Variants in SDK1 observed in about 807,000 individuals in gnomAD.
SDK1 encodes sidekick cell adhesion molecule 1.
In SDK1, 157 loss-of-function variants were observed where a neutral mutation model predicts 245.5. The ratio of observed to expected loss-of-function variants is 0.64; its 90% CI spans 0.56 to 0.73. The LOEUF is 0.73. SDK1 is among the 30% of genes least tolerant of loss of function. The pLI is 0.00. For missense variants in SDK1, 3,583 were observed against 3,002.3 expected (o/e 1.19, Z -4.52); for synonymous variants, 1,647 against 1,278.5 (o/e 1.29, Z -6.15).
intron 1 of SDK1, among the ~76,000 whole-genome samples, chr7:3,394,359 AT>A (rs1422037019): frequency 6.6e-6 from 1 of 152,116 alleles, no homozygotes; most frequent in African/African-American, 2.4e-5. Context: ...AAATATAAGA[AT>A]TTATTGCTGG....
intron 4 of SDK1, among the ~76,000 whole-genome samples, chr7:3,751,685 C>T (rs138311833): frequency 6.6e-6 from 1 of 152,268 alleles, no homozygotes; most frequent in African/African-American, 2.4e-5. Context: ...CAGTACCGAG[C>T]TCTGTGATCC....
chr7:4,230,374 A>T (rs945608695), intron 40 of SDK1, among the ~76,000 whole-genome samples: 1 of 129,588 alleles, frequency 7.7e-6, no homozygotes, highest in Non-Finnish European at 1.6e-5. Flanking sequence ...AGATGGATGG[A>T]TGGCTAGAGG....
chr7:4,097,641 T>C (rs527681445), intron 22 of SDK1, among the ~76,000 whole-genome samples: 9 of 152,308 alleles, frequency 5.9e-5, no homozygotes, highest in African/African-American at 1.7e-4. Flanking sequence ...TCCTGCAGGT[T>C]CATAAGCCAA....
chr7:3,531,653 A>G (rs537873156), intron 1 of SDK1, among the ~76,000 whole-genome samples: 1 of 152,214 alleles, frequency 6.6e-6, no homozygotes, highest in Non-Finnish European at 1.5e-5. Flanking sequence ...TTTCTCCCAC[A>G]TTAGTGTAGG....
chr7:3,957,110 T>A (rs1458290947), intron 7 of SDK1, among the ~76,000 whole-genome samples: 1 of 152,132 alleles, frequency 6.6e-6, no homozygotes, highest in Non-Finnish European at 1.5e-5. Context: ...CTCCTTTCTG[T>A]AACGTTCTTG....
At chr7:3,677,748 C>CT (rs1783951567) in intron 4 of SDK1, among the ~76,000 whole-genome samples, 1 of 152,200 alleles carries the variant, frequency 6.6e-6, no homozygotes, top group Admixed American at 6.5e-5. Flanking sequence ...TTAAGACTTA[C>CT]TATGTTGCTG....
chr7:3,974,621 T>A, intron 13 of SDK1, 76 bp downstream of exon 13: 1 of 1,388,976 alleles, frequency 7.2e-7, no homozygotes, highest in Non-Finnish European at 1.0e-6. Context: ...GACTGCCACT[T>A]CACAAGTGTC....
At position 3,640,716 on chromosome 7, in the gene SDK1, C is replaced by G. The variant is rs148926433; in HGVS notation, c.566-1242C>G. Among the ~76,000 whole-genome samples, 380 of 151,854 alleles carry G rather than the reference C, an allele frequency of 2.5e-3. 2 individuals carry two copies. Among genetic ancestry groups the G allele is most frequent in the African/African-American group, 8.6e-3 (355 of 41,394 alleles). ...TTTTCTTTTTTGAGACGGAGTCTGG[C>G]TCTGTCACCCAGGCTGGAGTGCAGT... On this transcript the variant is annotated intron_variant, in intron 3 of 44. Transcript: ENST00000404826.
At chr7:3,861,362 G>A (rs952263929) in intron 5 of SDK1, among the ~76,000 whole-genome samples, 2 of 152,062 alleles carry the variant, frequency 1.3e-5, no homozygotes, top group Admixed American at 6.6e-5. Flanking sequence ...AGTTCCATTC[G>A]GTATCTTTAA....
chr7:4,226,363 A>G (rs1156502854), intron 40 of SDK1, among the ~76,000 whole-genome samples: 1 of 152,138 alleles, frequency 6.6e-6, no homozygotes, highest in Non-Finnish European at 1.5e-5. Context: ...TGCCCCTGGG[A>G]GACAAGACAC....
At chr7:3,503,508 C>G (rs1002810572) in intron 1 of SDK1, among the ~76,000 whole-genome samples, 7 of 151,920 alleles carry the variant, frequency 4.6e-5, no homozygotes, top group African/African-American at 1.5e-4. Flanking sequence ...TGAGAACCTT[C>G]CTCTATAAAA....
chr7:3,641,823 C>T (rs1034025143), intron 3 of SDK1, 135 bp from the exon 4 acceptor site: 4 of 718,866 alleles, frequency 5.6e-6, no homozygotes, highest in Non-Finnish European at 9.2e-6. Context: ...CGCTGCCGTG[C>T]AGTCTCGCTC....
In SDK1 at chr7:3,357,328, GTTTTTTTTTTTTTTTTT is replaced by G. The variant is rs560124026; in HGVS notation, c.298+55467_298+55483del. Among the ~76,000 whole-genome samples, 36 of 52,942 alleles carry G rather than the reference GTTTTTTTTTTTTTTTTT, an allele frequency of 6.8e-4. No homozygotes were observed. The South Asian group carries it at 0.013, about 19-fold the overall frequency. The allele number at this position is 52,942 out of a possible 152,430, so 34.7% of individuals were successfully genotyped here. ...TTACTCTTGCTCCCCTTCTTTTAGT[GTTTTTTTTTTTTTTTTT>G]TTTTTTTTTTTTTTTTTTTTTTGAG... On this transcript the variant is annotated intron_variant, in intron 1 of 44. Coordinates refer to ENST00000404826, the MANE Select transcript of SDK1 (RefSeq NM_152744.4).
At chr7:4,046,602 T>A (rs76537127) in intron 17 of SDK1, among the ~76,000 whole-genome samples, 2 of 152,198 alleles carry the variant, frequency 1.3e-5, no homozygotes, top group African/African-American at 2.4e-5. Flanking sequence ...CAGTGATATA[T>A]GTGTGAGTAA....
chr7:3,995,655 A>C (rs1263045682), intron 14 of SDK1, among the ~76,000 whole-genome samples: 1 of 152,116 alleles, frequency 6.6e-6, no homozygotes, highest in East Asian at 1.9e-4. Flanking sequence ...TTCATTCAGG[A>C]GGTTGAGGGT....
intron 1 of SDK1, among the ~76,000 whole-genome samples, chr7:3,484,106 C>G (rs952928749): frequency 1.3e-5 from 2 of 152,134 alleles, no homozygotes; most frequent in Non-Finnish European, 2.9e-5. Context: ...TGCCTTACTT[C>G]AGTATATGTG....
intron 38 of SDK1, among the ~76,000 whole-genome samples, chr7:4,214,934 T>A (rs988940740): frequency 6.6e-6 from 1 of 152,198 alleles, no homozygotes; most frequent in African/African-American, 2.4e-5. Flanking sequence ...GGCTATAGGT[T>A]CCAGATCCCT....
intron 2 of SDK1, among the ~76,000 whole-genome samples, chr7:3,625,751 A>C (rs1006381059): frequency 1.3e-5 from 2 of 152,178 alleles, no homozygotes; most frequent in Non-Finnish European, 2.9e-5. Flanking sequence ...ATTGGTAAGC[A>C]GCTAAACCTG....
At chr7:3,447,177 G>C (rs1315702883) in intron 1 of SDK1, among the ~76,000 whole-genome samples, 2 of 152,060 alleles carry the variant, frequency 1.3e-5, no homozygotes, top group Admixed American at 6.6e-5. Context: ...TAGTATATTA[G>C]ATATTATTCA....
Sources: allele counts gnomAD v4.1 joint callset (sites outside exome capture counted in the v4.1 genomes callset), GRCh38; gene constraint gnomAD v4.1.1; transcripts MANE v1.5; gene names NCBI Gene and HGNC (gene_info 2026-07-23, HGNC 2026-07-21).